The following NELL2 variants were observed in gnomAD, a reference collection of about 807,000 sequenced individuals.
NELL2 encodes the protein neural EGFL like 2.
In NELL2, 41 loss-of-function variants were observed where a neutral mutation model predicts 109.6. The ratio of observed to expected loss-of-function variants is 0.37; its 90% confidence interval spans 0.29 to 0.49. NELL2 has a LOEUF of 0.49. Among genes scored for constraint, NELL2 ranks in the 20% least tolerant of loss-of-function variants. NELL2 has a pLI of 0.98. For missense variants in NELL2, 900 were observed against 1,008.3 expected, an observed-to-expected ratio of 0.89 and a Z score of 1.45; for synonymous variants, 355 against 344.7, an observed-to-expected ratio of 1.03 and a Z score of -0.33.
intron 1 of NELL2, among the ~76,000 whole-genome samples, chr12:44,900,534 G>A (rs1427301338): frequency 6.6e-6 from 1 of 151,936 alleles, no homozygotes; most frequent in Non-Finnish European, 1.5e-5. Flanking sequence ...ACAAAATTAA[G>A]GCAGAAATAA....
At chr12:44,775,767 T>C (rs1288032099) in intron 8 of NELL2, among the ~76,000 whole-genome samples, 1 of 152,226 alleles carries the variant, frequency 6.6e-6, no homozygotes, top group Non-Finnish European at 1.5e-5. Context: ...TTACCTAATT[T>C]AAATTGCTAA....
intron 3 of NELL2, among the ~76,000 whole-genome samples, chr12:44,780,833 A>G (rs1941931977): frequency 6.6e-6 from 1 of 152,128 alleles, no homozygotes; most frequent in Admixed American, 6.6e-5. Flanking sequence ...TCAACTGTCA[A>G]CAAAGGCAAG....
intron 3 of NELL2, among the ~76,000 whole-genome samples, chr12:44,786,507 A>G (rs1395912191): frequency 6.6e-6 from 1 of 152,132 alleles, no homozygotes; most frequent in Non-Finnish European, 1.5e-5. Context: ...ACCTTTTGAC[A>G]CAGCAATCCC....
intron 16 of NELL2, among the ~76,000 whole-genome samples, chr12:44,526,832 G>A (rs1237680748): frequency 6.6e-6 from 1 of 152,222 alleles, no homozygotes; most frequent in Non-Finnish European, 1.5e-5. Context: ...GGGCTGTTCA[G>A]TAAGTAGTTG....
intron 16 of NELL2, among the ~76,000 whole-genome samples, chr12:44,528,164 T>C (rs1381232036): frequency 7.0e-6 from 1 of 142,006 alleles, no homozygotes; most frequent in Admixed American, 7.1e-5. Flanking sequence ...GACAGAGTAG[T>C]AGGTTTTTCT....
chr12:44,795,709 G>A lies in NELL2; in HGVS notation c.336-15687C>T, dbSNP rs558851374. Among the ~76,000 whole-genome samples, 13 of 152,144 alleles carry A rather than the reference G, an allele frequency of 8.5e-5. No individual in the cohort carries two copies. In the East Asian group the frequency reaches 1.5e-3, roughly 18 times the overall value. On this transcript the variant is annotated intron_variant, in intron 3 of 19. Transcript: ENST00000429094. ...CAACTAGTGGATATCACTGGTATGC[G>A]GGGACTCTAGTATAATGAAATATAA...
chr12:44,567,608 A>C (rs74087616), intron 15 of NELL2, among the ~76,000 whole-genome samples: 6,422 of 152,260 alleles, frequency 0.042, 475 homozygotes, highest in African/African-American at 0.15. Flanking sequence ...TAGCCTAGAA[A>C]TATGGAGGAA....
chr12:44,770,943 T>C (rs1307037513), intron 9 of NELL2, among the ~76,000 whole-genome samples: 2 of 152,214 alleles, frequency 1.3e-5, no homozygotes, highest in Non-Finnish European at 2.9e-5. Context: ...AAAAATTAAA[T>C]TGTTTCCTAA....
intron 2 of NELL2, among the ~76,000 whole-genome samples, chr12:44,832,208 A>G (rs553813906): frequency 1.1e-4 from 16 of 152,312 alleles, no homozygotes; most frequent in Middle Eastern, 3.4e-3. Context: ...GTTTTAACCA[A>G]CCCCTGGAAT....
At chr12:44,775,605 A>G (rs1941726887) in intron 8 of NELL2, among the ~76,000 whole-genome samples, 1 of 151,988 alleles carries the variant, frequency 6.6e-6, no homozygotes. Flanking sequence ...AATCATTTAA[A>G]CTCTATCTAA....
intron 13 of NELL2, among the ~76,000 whole-genome samples, chr12:44,653,330 C>T (rs1040130452): frequency 6.6e-6 from 1 of 152,080 alleles, no homozygotes; most frequent in Admixed American, 6.6e-5. Context: ...AATTGTTCAT[C>T]ATCACAACTA....
intron 15 of NELL2, among the ~76,000 whole-genome samples, chr12:44,563,076 A>G (rs538850555): frequency 2.2e-4 from 34 of 152,344 alleles, no homozygotes; most frequent in Middle Eastern, 3.4e-3. Flanking sequence ...ACAGAAAACA[A>G]AACACCACAT....
intron 12 of NELL2, among the ~76,000 whole-genome samples, chr12:44,692,386 T>C (rs79053348): frequency 0.059 from 8,954 of 152,246 alleles, 389 homozygotes; most frequent in Non-Finnish European, 0.091. Flanking sequence ...CCATTGACAA[T>C]GTACTTAGTC....
intron 9 of NELL2, among the ~76,000 whole-genome samples, chr12:44,740,274 T>C (rs1467944451): frequency 2.0e-5 from 3 of 152,182 alleles, no homozygotes; most frequent in Non-Finnish European, 4.4e-5. Context: ...TCAGATGATA[T>C]ACTGATGTTT....
chr12:44,876,617 C>T, upstream of NELL2: 9 of 1,550,616 alleles, frequency 5.8e-6, no homozygotes, highest in African/African-American at 1.4e-5. Context: ...CCCTCGATTT[C>T]GGGCGCGTGT....
At chr12:44,816,732 A>G (rs1943363780) in intron 2 of NELL2, among the ~76,000 whole-genome samples, 2 of 152,246 alleles carry the variant, frequency 1.3e-5, no homozygotes, top group South Asian at 4.1e-4. Flanking sequence ...ATTGAAAAAA[A>G]GAATACGTAG....
At chr12:44,740,553 A>G (rs17575124) in intron 9 of NELL2, among the ~76,000 whole-genome samples, 19,597 of 152,192 alleles carry the variant, frequency 0.13, 1,495 homozygotes, top group East Asian at 0.21. Flanking sequence ...ACTGTACGGC[A>G]TGCTTTTGGG....
chr12:44,599,960 G>GTTTTTTT (rs35401385), intron 15 of NELL2, among the ~76,000 whole-genome samples: 2 of 111,264 alleles, frequency 1.8e-5, no homozygotes, highest in African/African-American at 3.3e-5. Context: ...CTAGAATTCC[G>GTTTTTTT]TTTTTTTTTT....
At chr12:44,828,073 G>A (rs1004211276) in intron 2 of NELL2, among the ~76,000 whole-genome samples, 2 of 152,154 alleles carry the variant, frequency 1.3e-5, no homozygotes, top group Non-Finnish European at 2.9e-5. Context: ...ATGATGTTGA[G>A]CACTTTTTCA....
Sources: allele counts gnomAD v4.1 joint callset (sites outside exome capture counted in the v4.1 genomes callset), GRCh38; gene constraint gnomAD v4.1.1; transcripts MANE v1.5; gene names NCBI Gene and HGNC (gene_info 2026-07-23, HGNC 2026-07-21).